Variants in ASTN2 observed in about 807,000 individuals in gnomAD.
ASTN2 encodes astrotactin-2.
ASTN2 carries 54 observed loss-of-function variants against 139.8 expected under a neutral mutation model. The observed-to-expected ratio is 0.39, with a 90% CI of 0.31 to 0.48. The LOEUF is 0.48. Among genes scored for constraint, ASTN2 ranks in the 20% least tolerant of loss-of-function variants. The pLI is 0.95. For missense variants in ASTN2, 1,565 were observed against 1,725.1 expected, an observed-to-expected ratio of 0.91 and a Z score of 1.64; for synonymous variants, 756 against 719.5, an observed-to-expected ratio of 1.05 and a Z score of -0.81.
chr9:116,803,684 C>T (rs1830958126), intron 13 of ASTN2, among the ~76,000 whole-genome samples: 1 of 151,142 alleles, frequency 6.6e-6, no homozygotes, highest in Admixed American at 6.6e-5. Context: ...GCCACTACGC[C>T]TGGCTATTTT....
Position 116,697,896 on chromosome 9 carries a change from T to C in ASTN2, c.2806+27875A>G, listed in dbSNP as rs750316476. On this transcript the variant is annotated intron_variant, in intron 16 of 22. Coordinates refer to ENST00000313400, the MANE Select transcript of ASTN2 (RefSeq NM_001365068.1). Reference sequence around the variant, plus strand: ...CTGCCGCCAGTGCCTGGAGAAGCTATTGGCCAGTAGCATCAATGGTGTCCG... The same window carrying C: ...CTGCCGCCAGTGCCTGGAGAAGCTACTGGCCAGTAGCATCAATGGTGTCCG... 1.2e-6 allele frequency: 2 copies of C among 1,614,216 alleles called. No individual in the cohort carries two copies. The highest frequency in any genetic ancestry group is 1.7e-5 in the Admixed American group (1 of 60,030).
rs116739467 is a variant in ASTN2 at position 117,189,675 on chromosome 9, T to C, written c.1015+24683A>G. The stretch of plus-strand genomic sequence containing the variant: ...AGGTGAGGAGGTTGAATCTCAAAAG[T>C]ATTAGTAAGGTGAAACTGGACCCCG... On this transcript the variant is annotated intron_variant, in intron 3 of 22. Transcript: ENST00000313400. Among the ~76,000 whole-genome samples the C allele has an allele frequency of 2.0e-3, 303 of 152,248 alleles. 4 individuals carry two copies. The highest frequency in any genetic ancestry group is 7.1e-3 in the African/African-American group (294 of 41,548).
chr9:117,079,077 C>A (rs996856823), intron 5 of ASTN2, among the ~76,000 whole-genome samples: 2 of 152,172 alleles, frequency 1.3e-5, no homozygotes, highest in Non-Finnish European at 2.9e-5. Context: ...AAAAGATGGT[C>A]GGGTGCAGTG....
intron 5 of ASTN2, among the ~76,000 whole-genome samples, chr9:117,087,218 T>TTTTGTTTGTTTG (rs150670523): frequency 2.0e-5 from 3 of 150,430 alleles, no homozygotes; most frequent in African/African-American, 7.3e-5. Flanking sequence ...ATTTTTTTCT[T>TTTTGTTTGTTTG]TTTGTTTGTT....
chr9:117,344,353 C>T (rs1399692024), intron 1 of ASTN2, among the ~76,000 whole-genome samples: 4 of 152,112 alleles, frequency 2.6e-5, no homozygotes, highest in African/African-American at 7.2e-5. Context: ...AAAGCAAAGG[C>T]AGTGTGAAGA....
At chr9:117,160,829 C>T (rs887208855) in intron 3 of ASTN2, among the ~76,000 whole-genome samples, 4 of 152,090 alleles carry the variant, frequency 2.6e-5, no homozygotes, top group African/African-American at 9.6e-5. Context: ...ACTGTCTTGA[C>T]TCTGAAGAAA....
At chr9:117,083,971 C>T (rs1036824841) in intron 5 of ASTN2, among the ~76,000 whole-genome samples, 15 of 150,614 alleles carry the variant, frequency 1.0e-4, no homozygotes, top group Admixed American at 9.3e-4. Context: ...AAGGAACCCT[C>T]ATTTGCCAAG....
At chr9:116,849,461 A>G (rs1832530627) in intron 11 of ASTN2, among the ~76,000 whole-genome samples, 3 of 152,350 alleles carry the variant, frequency 2.0e-5, no homozygotes. Flanking sequence ...CAAGAATTTT[A>G]GAAGTTATAT....
intron 5 of ASTN2, among the ~76,000 whole-genome samples, chr9:117,089,884 T>G (rs1305846541): frequency 6.6e-6 from 1 of 152,248 alleles, no homozygotes; most frequent in East Asian, 1.9e-4. Context: ...TCAAGTAGTA[T>G]TCCATCATGT....
intron 7 of ASTN2, among the ~76,000 whole-genome samples, chr9:116,984,052 T>A (rs1007234455): frequency 6.6e-6 from 1 of 152,228 alleles, no homozygotes; most frequent in African/African-American, 2.4e-5. Context: ...CTATAAGTAA[T>A]GGTACCAGTT....
chr9:117,215,247 G>A (rs992401851), intron 2 of ASTN2, among the ~76,000 whole-genome samples: 1 of 152,076 alleles, frequency 6.6e-6, no homozygotes, highest in African/African-American at 2.4e-5. Context: ...ACAGTAGTAG[G>A]CTGTCTTACA....
At chr9:117,222,360 C>T (rs906416640) in intron 2 of ASTN2, among the ~76,000 whole-genome samples, 4 of 152,166 alleles carry the variant, frequency 2.6e-5, no homozygotes, top group African/African-American at 7.2e-5. Flanking sequence ...AGGCATGGTG[C>T]CAAGTATCCA....
intron 5 of ASTN2, among the ~76,000 whole-genome samples, chr9:117,060,404 A>C (rs558336327): frequency 1.3e-5 from 1 of 74,210 alleles, no homozygotes; most frequent in African/African-American, 7.7e-5. Context: ...GAAAGAAAGA[A>C]AGAAAGAAGG....
intron 17 of ASTN2, among the ~76,000 whole-genome samples, chr9:116,633,989 G>A (rs182934468): frequency 3.9e-5 from 6 of 152,134 alleles, no homozygotes; most frequent in Non-Finnish European, 5.9e-5. Context: ...GATGTTACAC[G>A]TGACGGAGGG....
At chr9:116,842,993 T>C (rs1002237007) in intron 11 of ASTN2, among the ~76,000 whole-genome samples, 1 of 152,146 alleles carries the variant, frequency 6.6e-6, no homozygotes, top group Non-Finnish European at 1.5e-5. Flanking sequence ...GGTCCAACCC[T>C]CAGTATCTCT....
intron 16 of ASTN2, among the ~76,000 whole-genome samples, chr9:116,695,487 A>G (rs1273710364): frequency 6.6e-6 from 1 of 152,234 alleles, no homozygotes; most frequent in African/African-American, 2.4e-5. Flanking sequence ...GTTGTAATGT[A>G]TATCTCTACA....
intron 16 of ASTN2, among the ~76,000 whole-genome samples, chr9:116,662,115 T>C (rs1227731365): frequency 2.6e-5 from 4 of 151,928 alleles, no homozygotes; most frequent in African/African-American, 7.3e-5. Flanking sequence ...GCTCCTGCAA[T>C]TGAGTACAAG....
chr9:117,305,213 T>A (rs1361591589), intron 1 of ASTN2, among the ~76,000 whole-genome samples: 1 of 152,248 alleles, frequency 6.6e-6, no homozygotes, highest in Non-Finnish European at 1.5e-5. Context: ...TCTTTGAGCC[T>A]GTCTTCTCAT....
chr9:116,858,366 G>T lies in ASTN2; in HGVS notation c.2040+5217C>A, dbSNP rs141271231. The stretch of plus-strand genomic sequence containing the variant: ...CATTGTGTTTACCAGATTGTCTGGT[G>T]TTGGGTTAATCAAAAGGCTTCCTGT... On this transcript the variant is annotated intron_variant, in intron 11 of 22. Coordinates refer to ENST00000313400, the MANE Select transcript of ASTN2 (RefSeq NM_001365068.1). Among the ~76,000 whole-genome samples, 79 of 152,336 alleles carry T rather than the reference G, an allele frequency of 5.2e-4. 1 individual carries two copies. The East Asian group carries it at 0.015, about 29-fold the overall frequency.
Sources: gnomAD v4.1 joint callset for allele counts (sites outside exome capture counted in the v4.1 genomes callset) on GRCh38, gnomAD v4.1.1 for gene constraint, MANE v1.5 for transcripts, NCBI Gene and HGNC (gene_info 2026-07-23, HGNC 2026-07-21) for gene names.